SYT16: variants seen among roughly 807,000 people sequenced by gnomAD.
The protein encoded by SYT16 is synaptotagmin-16.
A neutral mutation model predicts 61.4 loss-of-function variants in SYT16; 42 were observed. The observed-to-expected ratio is 0.68, with a 90% confidence interval of 0.53 to 0.89. The LOEUF is 0.89. Among genes scored for constraint, SYT16 ranks in the 40% least tolerant of loss-of-function variants. The pLI, the probability that SYT16 is intolerant of heterozygous loss-of-function variation, is 0.00. For missense variants in SYT16, 804 were observed against 807.3 expected (o/e 1.00, Z 0.05); for synonymous variants, 314 against 302.3 (o/e 1.04, Z -0.40).
chr14:61,900,110 C>G (rs766884991), intron 1 of SYT16, among the ~76,000 whole-genome samples: 1 of 151,290 alleles, frequency 6.6e-6, no homozygotes, highest in Non-Finnish European at 1.5e-5. Context: ...GGGCAGCCCA[C>G]AGGTAGTGAC....
intron 3 of SYT16, among the ~76,000 whole-genome samples, chr14:62,057,419 G>A (rs953787395): frequency 2.0e-5 from 3 of 152,100 alleles, no homozygotes; most frequent in Admixed American, 6.5e-5. Flanking sequence ...CAGGGAAGAG[G>A]GTCCAATAAC....
intron 2 of SYT16, among the ~76,000 whole-genome samples, chr14:61,980,977 G>C (rs1453188064): frequency 1.4e-5 from 2 of 140,682 alleles, no homozygotes; most frequent in South Asian, 4.6e-4. Flanking sequence ...TGTGTGTGTG[G>C]TTGTGTGTAG....
intron 1 of SYT16, among the ~76,000 whole-genome samples, chr14:61,883,975 TC>T (rs2047797692): frequency 6.6e-6 from 1 of 151,880 alleles, no homozygotes; most frequent in Non-Finnish European, 1.5e-5. Context: ...GGGAAACTGC[TC>T]CCATGATCCG....
intron 1 of SYT16, among the ~76,000 whole-genome samples, chr14:61,836,530 C>G (rs2046135300): frequency 6.6e-6 from 1 of 152,218 alleles, no homozygotes. Flanking sequence ...CATTCTCCTA[C>G]ATTCCTTCCC....
intron 1 of SYT16, among the ~76,000 whole-genome samples, chr14:61,933,355 C>CA (rs2049852108): frequency 6.6e-6 from 1 of 152,170 alleles, no homozygotes; most frequent in Non-Finnish European, 1.5e-5. Context: ...CCTAAAATTA[C>CA]AAAATAAAAT....
rs2057420656 is a variant in SYT16 at position 62,101,621 on chromosome 14, G to T, written c.*914G>T. 1 of 152,052 alleles carries T rather than the reference G, an allele frequency of 6.6e-6. No homozygotes were observed. The highest frequency in any genetic ancestry group is 2.4e-5 in the African/African-American group (1 of 41,362). The allele number at this position is 152,052 out of a possible 1,614,324, so 9.4% of individuals were successfully genotyped here. A position where few individuals can be genotyped will look rare whatever the true frequency, so the allele number is the denominator to read the frequency against. On this transcript the variant is annotated 3_prime_UTR_variant, in exon 8 of 8. Coordinates refer to ENST00000683842, the MANE Select transcript of SYT16 (RefSeq NM_001367656.1). ...TTTGAATGTACTGCATGTAAACCAT[G>T]CTCTTTTTAAACTGAGTATTTTCCA... is the stretch of plus-strand genomic sequence containing the variant.
intron 1 of SYT16, among the ~76,000 whole-genome samples, chr14:61,909,852 G>A (rs1026027807): frequency 1.1e-4 from 17 of 152,162 alleles, no homozygotes; most frequent in East Asian, 1.9e-4. Context: ...ACTTGGAGAC[G>A]TCCTTGGTCT....
At chr14:61,985,846 C>A (rs2052283863) in intron 2 of SYT16, among the ~76,000 whole-genome samples, 2 of 152,048 alleles carry the variant, frequency 1.3e-5, no homozygotes, top group Admixed American at 1.3e-4. Context: ...CTAGATGCTA[C>A]AATTTGTGAT....
intron 3 of SYT16, among the ~76,000 whole-genome samples, chr14:62,062,649 A>G (rs1384699279): frequency 1.3e-5 from 2 of 152,084 alleles, no homozygotes; most frequent in Non-Finnish European, 2.9e-5. Context: ...CTAGGGTCTA[A>G]TGTGGGCAGT....
chr14:61,849,069 G>T (rs2046530356), intron 1 of SYT16, among the ~76,000 whole-genome samples: 1 of 152,186 alleles, frequency 6.6e-6, no homozygotes. Context: ...AAGGCAGCAG[G>T]CTCCCTTCTG....
At position 61,925,993 on chromosome 14, in the gene SYT16, T is replaced by C. The variant is rs369724067; in HGVS notation, c.-324-44139T>C. On this transcript the variant is annotated intron_variant, in intron 1 of 7. Coordinates refer to ENST00000683842, the MANE Select transcript of SYT16 (RefSeq NM_001367656.1). ...GCAGAGACTTCTTCTGCCTTAAACC[T>C]GGCTGTATGTCTGGATTATGCTTGG... 2.6e-5 allele frequency among the ~76,000 whole-genome samples: 4 copies of C among 152,318 alleles called. No individual in the cohort carries two copies. In the South Asian group the frequency reaches 6.2e-4, roughly 24 times the overall value.
chr14:61,832,728 G>A (rs939758781), intron 1 of SYT16, among the ~76,000 whole-genome samples: 2 of 152,132 alleles, frequency 1.3e-5, no homozygotes, highest in Admixed American at 6.5e-5. Context: ...GTGAGCCACC[G>A]TGCCCGGCCC....
chr14:62,005,466 T>A lies in SYT16; in HGVS notation c.523+8924T>A, dbSNP rs187644726. On this transcript the variant is annotated intron_variant, in intron 3 of 7. Transcript: ENST00000683842. ...TTCTCTGTACTTCTCAGTCTTCTGA[T>A]CTCTGTTTTATAGACAATGTCTAGG... Among the ~76,000 whole-genome samples, 631 of 152,262 alleles carry A rather than the reference T, an allele frequency of 4.1e-3. 2 individuals are homozygous for A. The highest frequency in any genetic ancestry group is 7.9e-3 in the South Asian group (38 of 4,820).
At chr14:62,015,930 C>T (rs2053655265) in intron 3 of SYT16, among the ~76,000 whole-genome samples, 1 of 152,200 alleles carries the variant, frequency 6.6e-6, no homozygotes, top group African/African-American at 2.4e-5. Context: ...CACTCTTAGT[C>T]CTTAATTGTT....
chr14:62,057,412 G>C (rs1029129696), intron 3 of SYT16, among the ~76,000 whole-genome samples: 1 of 152,174 alleles, frequency 6.6e-6, no homozygotes, highest in Non-Finnish European at 1.5e-5. Flanking sequence ...GTTGGGACAG[G>C]GAAGAGGGTC....
intron 1 of SYT16, among the ~76,000 whole-genome samples, chr14:61,844,361 T>C (rs944207466): frequency 1.3e-5 from 2 of 152,188 alleles, no homozygotes; most frequent in Non-Finnish European, 2.9e-5. Context: ...CCTTTCCAAT[T>C]TGGATGCCCT....
At chr14:62,027,384 G>A (rs1349643718) in intron 3 of SYT16, among the ~76,000 whole-genome samples, 4 of 152,158 alleles carry the variant, frequency 2.6e-5, no homozygotes, top group Non-Finnish European at 1.5e-5. Context: ...GAGATGGAGA[G>A]GAACCTCAGT....
intron 3 of SYT16, among the ~76,000 whole-genome samples, chr14:62,030,258 C>G (rs1339112979): frequency 6.6e-6 from 1 of 152,194 alleles, no homozygotes; most frequent in Non-Finnish European, 1.5e-5. Context: ...GTATTTTGAT[C>G]AATTCCTTTT....
At chr14:61,991,831 A>T (rs568601950) in intron 2 of SYT16, among the ~76,000 whole-genome samples, 3 of 152,310 alleles carry the variant, frequency 2.0e-5, no homozygotes, top group Admixed American at 1.3e-4. Flanking sequence ...AAATTCTTGG[A>T]TTTAAGAGCA....
Sources: allele counts gnomAD v4.1 joint callset (sites outside exome capture counted in the v4.1 genomes callset), GRCh38; gene constraint gnomAD v4.1.1; transcripts MANE v1.5; gene names NCBI Gene and HGNC (gene_info 2026-07-23, HGNC 2026-07-21).